The following CDC14A variants were observed in gnomAD, a reference collection of about 807,000 sequenced individuals.
The protein encoded by CDC14A is cell division cycle 14A.
CDC14A carries 53 observed loss-of-function variants against 74.4 expected under a neutral mutation model. The ratio of observed to expected loss-of-function variants is 0.71; its 90% CI spans 0.57 to 0.89. The LOEUF (loss-of-function observed/expected upper bound fraction) is 0.89, where lower values mean the gene tolerates loss of function less well. Among genes scored for constraint, CDC14A ranks in the 40% least tolerant of loss-of-function variants. The pLI is 0.00. For missense variants in CDC14A, 646 were observed against 713.7 expected (o/e 0.91, Z 1.08); for synonymous variants, 247 against 258.4 (o/e 0.96, Z 0.43).
At chr1:100,384,909 G>A (rs1656634427) in intron 3 of CDC14A, among the ~76,000 whole-genome samples, 2 of 152,132 alleles carry the variant, frequency 1.3e-5, no homozygotes, top group African/African-American at 4.8e-5. Context: ...CCCCACTTCA[G>A]ATTCTTGGCA....
chr1:100,507,311 ATAT>A (rs1447070446), intron 15 of CDC14A, among the ~76,000 whole-genome samples: 1 of 152,316 alleles, frequency 6.6e-6, no homozygotes, highest in East Asian at 1.9e-4. Context: ...ATAAGACCAA[ATAT>A]TATAAGATTT....
intron 4 of CDC14A, among the ~76,000 whole-genome samples, chr1:100,412,946 A>G (rs1661062767): frequency 6.6e-6 from 1 of 150,806 alleles, no homozygotes; most frequent in Non-Finnish European, 1.5e-5. Context: ...TTCTGCAGCT[A>G]CTTGGGAGGC....
Position 100,462,801 on chromosome 1 carries a change from G to A in CDC14A, c.758G>A (p.Ser253Asn). The change falls in exon 9 of 16, where the codon AGC becomes AAC. Residue 253 changes from serine (S) to asparagine (N), a missense_variant. Ser to Asn is a conservative substitution (Grantham distance 46). Coordinates refer to ENST00000336454, the MANE Select transcript of CDC14A (RefSeq NM_003672.4). ...TATGACCTCTTCTTCATAGATGGCAGCACACCCAGTGACAACATCGTGCGA... is the reference window on the plus strand; with the variant it reads ...TATGACCTCTTCTTCATAGATGGCAACACACCCAGTGACAACATCGTGCGA... ...EHYDLFFIDG[S>N]TPSDNIVRRF... 6.2e-7 allele frequency: 1 copy of A among 1,614,110 alleles called. No individual in the cohort carries two copies. Among genetic ancestry groups the A allele is most frequent in the South Asian group, 1.1e-5 (1 of 91,086 alleles).
chr1:100,351,699 A>C, upstream of CDC14A: 1 of 1,510,028 alleles, frequency 6.6e-7, no homozygotes, highest in East Asian at 2.5e-5. Context: ...AAGATTAGGC[A>C]TCTGTGATGC....
intron 15 of CDC14A, among the ~76,000 whole-genome samples, chr1:100,512,719 A>G (rs1021482632): frequency 6.6e-6 from 1 of 152,358 alleles, no homozygotes; most frequent in East Asian, 1.9e-4. Flanking sequence ...ATATAGCATT[A>G]TAATGAGCCC....
At chr1:100,349,119 C>A (rs998355276), upstream of CDC14A, among the ~76,000 whole-genome samples, 1 of 152,076 alleles carries the variant, frequency 6.6e-6, no homozygotes, top group Non-Finnish European at 1.5e-5. Context: ...TCGCTTGAAC[C>A]CGGGAGGTGG....
At chr1:100,456,012 G>T (rs907599789) in intron 8 of CDC14A, among the ~76,000 whole-genome samples, 1 of 152,202 alleles carries the variant, frequency 6.6e-6, no homozygotes, top group African/African-American at 2.4e-5. Context: ...TTAGGGAGGA[G>T]TAAATTGAGC....
At chr1:100,410,932 A>G (rs144854584) in intron 4 of CDC14A, among the ~76,000 whole-genome samples, 273 of 152,322 alleles carry the variant, frequency 1.8e-3, no homozygotes, top group Non-Finnish European at 2.9e-3. Context: ...ATGAGATTGG[A>G]GGTCTCTGAC....
chr1:100,442,473 G>A (rs1665062128), intron 6 of CDC14A, among the ~76,000 whole-genome samples: 1 of 149,432 alleles, frequency 6.7e-6, no homozygotes, highest in South Asian at 2.1e-4. Context: ...AACAGTAAAA[G>A]ATGCAGGGTT....
rs554099005 is a variant in CDC14A at position 100,412,403 on chromosome 1, G to T, written c.310-11819G>T. ...TGCTTTGTTCTTGGTATTATCCATG[G>T]TGCTTGGTACTGGTAAGTCTTTGCT... is the stretch of plus-strand genomic sequence containing the variant. On this transcript the variant is annotated intron_variant, in intron 4 of 15. Transcript: ENST00000336454. Among the ~76,000 whole-genome samples, 24 of 151,982 alleles carry T rather than the reference G, an allele frequency of 1.6e-4. 1 individual carries two copies. The South Asian group carries it at 4.4e-3, about 28-fold the overall frequency.
intron 3 of CDC14A, among the ~76,000 whole-genome samples, chr1:100,381,396 T>C (rs1297108439): frequency 6.6e-6 from 1 of 152,232 alleles, no homozygotes; most frequent in Admixed American, 6.5e-5. Flanking sequence ...CGCACTGTGT[T>C]AACTAGTAAC....
At chr1:100,462,621 C>G in intron 8 of CDC14A, 30 bp from the exon 9 acceptor site, 1 of 1,537,130 alleles carries the variant, frequency 6.5e-7, no homozygotes, top group Non-Finnish European at 9.0e-7. Context: ...AAATGCATGC[C>G]TTTTGCTTAC....
In CDC14A at chr1:100,352,559, A is replaced by G. The variant is rs1651207829; in HGVS notation, c.-396A>G. 1.2e-5 allele frequency: 12 copies of G among 1,039,240 alleles called. No homozygotes were observed. The highest frequency in any genetic ancestry group is 1.4e-5 in the Non-Finnish European group (12 of 865,020). 64.4% of individuals were successfully genotyped at this position (1,039,240 alleles called of 1,614,324 possible). ...AAGTCCTCCCGGCTGCCGCTCGAGTAGCCACGGGCGCGATCGGGACCAGAA... is the reference window on the plus strand; with the variant it reads ...AAGTCCTCCCGGCTGCCGCTCGAGTGGCCACGGGCGCGATCGGGACCAGAA... On this transcript the variant is annotated 5_prime_UTR_variant, in exon 1 of 16. Transcript: ENST00000336454.
chr1:100,465,085 C>G (rs760249901), intron 9 of CDC14A, among the ~76,000 whole-genome samples: 1 of 152,042 alleles, frequency 6.6e-6, no homozygotes, highest in Admixed American at 6.5e-5. Flanking sequence ...ACCACCACTC[C>G]TGGCTAATTT....
intron 9 of CDC14A, among the ~76,000 whole-genome samples, chr1:100,464,029 AGAC>A (rs1468108909): frequency 1.3e-5 from 2 of 152,160 alleles, no homozygotes; most frequent in African/African-American, 4.8e-5. Flanking sequence ...TGACTTATTC[AGAC>A]GAGTATGGCT....
chr1:100,370,669 G>C (rs1488393512), intron 2 of CDC14A, among the ~76,000 whole-genome samples: 1 of 152,106 alleles, frequency 6.6e-6, no homozygotes, highest in Non-Finnish European at 1.5e-5. Flanking sequence ...ATTGTTCTAT[G>C]TGTCTGTTTT....
At position 100,444,175 on chromosome 1, in the gene CDC14A, C is replaced by T. The variant is rs145930903; in HGVS notation, c.519+1179C>T. On this transcript the variant is annotated intron_variant, in intron 7 of 15. Coordinates refer to ENST00000336454, the MANE Select transcript of CDC14A (RefSeq NM_003672.4). ...GCTAGAAACATTGCTGTTTTCCTCCCTAACCTAGTGAGTATTCGGATCACT... is the reference window on the plus strand; with the variant it reads ...GCTAGAAACATTGCTGTTTTCCTCCTTAACCTAGTGAGTATTCGGATCACT... Among the ~76,000 whole-genome samples the T allele has an allele frequency of 1.1e-3, 161 of 152,334 alleles. 1 individual carries two copies. In the East Asian group the frequency reaches 0.025, roughly 23 times the overall value.
intron 2 of CDC14A, among the ~76,000 whole-genome samples, chr1:100,369,162 C>T (rs556123830): frequency 6.6e-6 from 1 of 151,732 alleles, no homozygotes; most frequent in East Asian, 1.9e-4. Flanking sequence ...CTGCAACCTC[C>T]GCCTCCTGGG....
intron 2 of CDC14A, among the ~76,000 whole-genome samples, chr1:100,358,841 G>GA (rs1356163794): frequency 6.6e-6 from 1 of 152,184 alleles, no homozygotes; most frequent in Non-Finnish European, 1.5e-5. Context: ...GAGAAGCATG[G>GA]AAAAACTACT....
Sources: gnomAD v4.1 joint callset for allele counts (sites outside exome capture counted in the v4.1 genomes callset) on GRCh38, gnomAD v4.1.1 for gene constraint, MANE v1.5 for transcripts, NCBI Gene and HGNC (gene_info 2026-07-23, HGNC 2026-07-21) for gene names.